The following CLNK variants were observed in gnomAD, a reference collection of about 807,000 sequenced individuals.
CLNK encodes the protein cytokine dependent hematopoietic cell linker, also known as cytokine-dependent hematopoietic cell linker.
CLNK carries 74 observed loss-of-function variants against 68.6 expected under a neutral mutation model. The observed-to-expected ratio is 1.08, with a 90% CI of 0.89 to 1.31. The LOEUF is 1.31. CLNK is among the 50% of genes most tolerant of loss of function. The probability of loss-of-function intolerance (pLI) is 0.00; values close to 1 mark genes in which losing one functional copy is unlikely to be tolerated. For missense variants in CLNK, 553 were observed against 515.3 expected (o/e 1.07, Z -0.71); for synonymous variants, 198 against 172.2 (o/e 1.15, Z -1.17).
intron 1 of CLNK, among the ~76,000 whole-genome samples, chr4:10,680,791 A>G (rs1560277300): frequency 6.6e-6 from 1 of 152,146 alleles, no homozygotes; most frequent in Non-Finnish European, 1.5e-5. Context: ...CTAAAACCAT[A>G]TTGCTAGGAA....
At chr4:10,515,379 G>C (rs75490166) in intron 15 of CLNK, among the ~76,000 whole-genome samples, 5,669 of 151,642 alleles carry the variant, frequency 0.037, 172 homozygotes, top group Non-Finnish European at 0.06. Flanking sequence ...TGTCTACTCT[G>C]TTCTGTGTGT....
chr4:10,546,940 C>T lies in CLNK; in HGVS notation c.446-4660G>A, dbSNP rs557283209. On this transcript the variant is annotated intron_variant, in intron 8 of 18. Transcript: ENST00000226951. ...CAGTGCAGGGGATCAGATGGTAAGG[C>T]GACTGAGTATGCTGGCTCAGGTGTC... is the stretch of plus-strand genomic sequence containing the variant. Among the ~76,000 whole-genome samples, 22 of 152,248 alleles carry T rather than the reference C, an allele frequency of 1.4e-4. No individual in the cohort carries two copies. The Middle Eastern group carries it at 0.01, about 71-fold the overall frequency.
rs1716371765 is a variant in CLNK, at chr4:10,486,816, T to C, written c.*3651A>G. ...TTTAATGTTGGCATCACCCCACAAG[T>C]ACTCAGAAATAAGTGTTAAAATAGA... On this transcript the variant is annotated 3_prime_UTR_variant, in exon 19 of 19. Coordinates refer to ENST00000226951, the MANE Select transcript of CLNK (RefSeq NM_052964.4). 1 of 152,224 alleles carries C rather than the reference T, an allele frequency of 6.6e-6. No homozygotes were observed. The highest frequency in any genetic ancestry group is 1.5e-5 in the Non-Finnish European group (1 of 68,040). 9.4% of individuals were successfully genotyped at this position (152,224 alleles called of 1,614,324 possible).
chr4:10,497,537 A>G (rs1716862771), intron 18 of CLNK, among the ~76,000 whole-genome samples: 1 of 152,212 alleles, frequency 6.6e-6, no homozygotes. Flanking sequence ...CTGGAGGCGG[A>G]GGGTCTAATC....
chr4:10,546,866 T>A (rs956291779), intron 8 of CLNK, among the ~76,000 whole-genome samples: 1 of 152,158 alleles, frequency 6.6e-6, no homozygotes, highest in Non-Finnish European at 1.5e-5. Flanking sequence ...AGGGGATGCA[T>A]CTGGTGAGAG....
At chr4:10,642,695 A>G (rs931513405) in intron 2 of CLNK, among the ~76,000 whole-genome samples, 1 of 152,176 alleles carries the variant, frequency 6.6e-6, no homozygotes, top group Admixed American at 6.5e-5. Flanking sequence ...TGTAAACAAC[A>G]ATGACCCAAC....
At chr4:10,659,586 G>A (rs1724114683) in intron 2 of CLNK, among the ~76,000 whole-genome samples, 1 of 152,094 alleles carries the variant, frequency 6.6e-6, no homozygotes, top group South Asian at 2.1e-4. Context: ...TACCTCAACA[G>A]AATCCTTTCT....
intron 14 of CLNK, 100 bp downstream of exon 14, chr4:10,525,741 G>A: frequency 1.5e-6 from 1 of 666,696 alleles, no homozygotes. Flanking sequence ...CAGAAACAAA[G>A]ACTTTCGTTT....
At chr4:10,697,117 C>T in the CLNK span, 1 of 152,164 alleles carries the variant, frequency 6.6e-6, no homozygotes, top group Non-Finnish European at 1.5e-5. Flanking sequence ...ACATTTTCTG[C>T]CACAGGTGAA....
intron 14 of CLNK, 37 bp downstream of exon 14, chr4:10,525,804 C>A: frequency 7.8e-7 from 1 of 1,289,824 alleles, no homozygotes; most frequent in South Asian, 1.3e-5. Flanking sequence ...CCTGACCCCT[C>A]AGCCTCAGAC....
chr4:10,560,299 A>T (rs1028828097), intron 7 of CLNK, among the ~76,000 whole-genome samples: 15 of 152,374 alleles, frequency 9.8e-5, no homozygotes, highest in Admixed American at 5.9e-4. Flanking sequence ...TACACAGTAC[A>T]TGCTCAATAA....
intron 5 of CLNK, among the ~76,000 whole-genome samples, chr4:10,569,180 A>G (rs1720241665): frequency 6.7e-6 from 1 of 148,160 alleles, no homozygotes; most frequent in Non-Finnish European, 1.5e-5. Context: ...GAATTGGCCA[A>G]GACTGCCCTT....
chr4:10,558,360 A>T (rs1201868397), intron 8 of CLNK, 47 bp downstream of exon 8: 2 of 1,532,040 alleles, frequency 1.3e-6, no homozygotes, highest in African/African-American at 1.4e-5. Flanking sequence ...GAAGCAAAAT[A>T]GATGTTTTCA....
rs141245484 is a variant in CLNK, at chr4:10,555,976, T to C, written c.445+2431A>G. 1.2e-3 allele frequency among the ~76,000 whole-genome samples: 178 copies of C among 152,306 alleles called. 2 individuals carry two copies. Among genetic ancestry groups the C allele is most frequent in the African/African-American group, 4.0e-3 (167 of 41,560 alleles). On this transcript the variant is annotated intron_variant, in intron 8 of 18. Transcript: ENST00000226951. ...AAGGATGATGTAAAGAAAATAACTC[T>C]TATTGGAGAAGTCTTCTATACAACC...
chr4:10,511,184 C>T (rs1560194873), intron 16 of CLNK, among the ~76,000 whole-genome samples: 3 of 151,732 alleles, frequency 2.0e-5, no homozygotes, highest in Admixed American at 2.0e-4. Flanking sequence ...AAAAAAAAAG[C>T]ATATTTGATT....
intron 13 of CLNK, among the ~76,000 whole-genome samples, chr4:10,527,809 A>C (rs1223564333): frequency 1.3e-5 from 2 of 152,194 alleles, no homozygotes; most frequent in Non-Finnish European, 2.9e-5. Context: ...AGAGGGTGAC[A>C]GTGTAATGCC....
chr4:10,654,921 G>T (rs544781995), intron 2 of CLNK, among the ~76,000 whole-genome samples: 9 of 152,020 alleles, frequency 5.9e-5, no homozygotes, highest in African/African-American at 2.2e-4. Flanking sequence ...GCTAACACAG[G>T]TGAAATCTGT....
intron 18 of CLNK, among the ~76,000 whole-genome samples, chr4:10,493,054 C>T (rs1015312810): frequency 3.9e-5 from 6 of 152,182 alleles, no homozygotes; most frequent in African/African-American, 7.2e-5. Flanking sequence ...TGGTGGCTCA[C>T]GCCTGTAATC....
At chr4:10,721,949 G>A in the CLNK span, among the ~76,000 whole-genome samples, 3 of 152,142 alleles carry the variant, frequency 2.0e-5, no homozygotes, top group East Asian at 5.8e-4. Flanking sequence ...GGACAAGGCT[G>A]GCAGATCACT....
Sources: allele counts gnomAD v4.1 joint callset (sites outside exome capture counted in the v4.1 genomes callset), GRCh38; gene constraint gnomAD v4.1.1; transcripts MANE v1.5; gene names NCBI Gene and HGNC (gene_info 2026-07-23, HGNC 2026-07-21).